The following ARMH1 variants were observed in gnomAD, a reference collection of about 807,000 sequenced individuals.
ARMH1 encodes armadillo like helical domain containing 1.
Under a neutral mutation model 50.2 loss-of-function variants are expected in ARMH1, and 34 were observed. The observed-to-expected ratio is 0.68, with a 90% confidence interval of 0.51 to 0.90. The LOEUF (loss-of-function observed/expected upper bound fraction) is 0.90, where lower values mean the gene tolerates loss of function less well. Ranked by LOEUF, ARMH1 falls within the 40% of genes least tolerant of loss-of-function variation. The pLI is 0.00. For missense variants in ARMH1, 538 were observed against 553.9 expected, an observed-to-expected ratio of 0.97 and a Z score of 0.29; for synonymous variants, 221 against 224.2, an observed-to-expected ratio of 0.99 and a Z score of 0.13.
intron 1 of ARMH1, among the ~76,000 whole-genome samples, chr1:44,687,840 G>C (rs1201530312): frequency 6.6e-6 from 1 of 152,180 alleles, no homozygotes; most frequent in African/African-American, 2.4e-5. Context: ...GGGAGACTGA[G>C]GTCCAAGGAA....
intron 6 of ARMH1, among the ~76,000 whole-genome samples, chr1:44,706,439 T>C (rs1043721177): frequency 1.3e-5 from 2 of 152,074 alleles, no homozygotes; most frequent in Admixed American, 6.6e-5. Context: ...TAGGGACTCC[T>C]GTGTCCAGGA....
At chr1:44,722,643 C>T (rs977005303) in intron 6 of ARMH1, among the ~76,000 whole-genome samples, 2 of 151,826 alleles carry the variant, frequency 1.3e-5, no homozygotes, top group Non-Finnish European at 2.9e-5. Context: ...TCCCAGGAGG[C>T]TGAGGCAGGA....
chr1:44,685,055 A>G (rs2148586386), intron 1 of ARMH1, among the ~76,000 whole-genome samples: 1 of 152,342 alleles, frequency 6.6e-6, no homozygotes, highest in East Asian at 1.9e-4. Flanking sequence ...CCACTGACTG[A>G]CATTTATGAA....
intron 6 of ARMH1, among the ~76,000 whole-genome samples, chr1:44,711,169 G>A (rs1646597573): frequency 6.6e-6 from 1 of 152,186 alleles, no homozygotes; most frequent in South Asian, 2.1e-4. Flanking sequence ...CCACATACAT[G>A]TAATTGAGTA....
rs569701926 is a variant in ARMH1 at position 44,699,233 on chromosome 1, G to A, written c.442+1004G>A. 7.5e-5 allele frequency among the ~76,000 whole-genome samples: 11 copies of A among 146,680 alleles called. No individual in the cohort carries two copies. In the South Asian group the frequency reaches 1.5e-3, roughly 20 times the overall value. On this transcript the variant is annotated intron_variant, in intron 4 of 11. Coordinates refer to ENST00000535358, the MANE Select transcript of ARMH1 (RefSeq NM_001145636.2). ...CGGGAGGTGGACATTGCAGTGAGCC[G>A]AGATCGCGCCACTGCACTCTAGCCT...
chr1:44,687,164 G>A (rs1645499618), intron 1 of ARMH1, among the ~76,000 whole-genome samples: 1 of 152,058 alleles, frequency 6.6e-6, no homozygotes, highest in Admixed American at 6.5e-5. Flanking sequence ...AGTGTCACAG[G>A]GTTGATTTCC....
At chr1:44,716,334 A>T (rs959171332) in intron 6 of ARMH1, among the ~76,000 whole-genome samples, 28 of 151,982 alleles carry the variant, frequency 1.8e-4, no homozygotes, top group African/African-American at 6.5e-4. Context: ...ATCTTTACTC[A>T]TTTACCCCTC....
At chr1:44,699,052 G>C (rs1389642714) in intron 4 of ARMH1, among the ~76,000 whole-genome samples, 6 of 151,990 alleles carry the variant, frequency 3.9e-5, no homozygotes, top group African/African-American at 1.4e-4. Context: ...GGAGGCAGAG[G>C]CAGTCGGATC....
rs905757215 is a variant in ARMH1 at position 44,682,973 on chromosome 1, A to G, written c.-22-6703A>G. On this transcript the variant is annotated intron_variant, in intron 1 of 11. Transcript: ENST00000535358. This position sits in a 1 kb window ranked among gnomAD's most constrained non-coding sequence, Gnocchi z 4.5. ...AAATAAAAATAAAAAATCTCACATC[A>G]CTGTGGAGTTTAGGCTGGGGCAAGC... is the stretch of plus-strand genomic sequence containing the variant. Among the ~76,000 whole-genome samples, 13 of 152,120 alleles carry G rather than the reference A, an allele frequency of 8.5e-5. No homozygotes were observed. Among genetic ancestry groups the G allele is most frequent in the African/African-American group, 2.2e-4 (9 of 41,402 alleles).
At chr1:44,721,194 G>C (rs901649958) in intron 6 of ARMH1, among the ~76,000 whole-genome samples, 11 of 152,102 alleles carry the variant, frequency 7.2e-5, no homozygotes, top group African/African-American at 2.7e-4. Flanking sequence ...CCGGCCCTCA[G>C]GTGGTCTTGT....
intron 6 of ARMH1, among the ~76,000 whole-genome samples, chr1:44,719,137 A>G (rs577335029): frequency 3.9e-5 from 6 of 152,226 alleles, no homozygotes; most frequent in African/African-American, 1.4e-4. Flanking sequence ...CAAAGGGTGA[A>G]TAAGTACTGG....
chr1:44,723,024 G>A (rs1471237323), intron 6 of ARMH1, among the ~76,000 whole-genome samples: 4 of 150,672 alleles, frequency 2.7e-5, no homozygotes, highest in East Asian at 1.9e-4. Context: ...GCAGTGAGCC[G>A]AGATCGCGCC....
intron 6 of ARMH1, among the ~76,000 whole-genome samples, chr1:44,713,446 T>C (rs892830713): frequency 2.0e-5 from 3 of 152,120 alleles, no homozygotes; most frequent in Admixed American, 1.3e-4. Flanking sequence ...TAGCCTTTCC[T>C]GCTGTATAAG....
chr1:44,711,992 C>T (rs1646632220), intron 6 of ARMH1, among the ~76,000 whole-genome samples: 1 of 152,230 alleles, frequency 6.6e-6, no homozygotes, highest in South Asian at 2.1e-4. Context: ...AGATCAAACC[C>T]AGTCAGTCTG....
intron 6 of ARMH1, chr1:44,721,668 G>A (rs967048369): frequency 2.0e-5 from 3 of 152,102 alleles, no homozygotes; most frequent in African/African-American, 4.8e-5. Context: ...GATGGAGGTT[G>A]TAGTGAGCCG....
At chr1:44,722,430 G>A (rs904253761) in intron 6 of ARMH1, among the ~76,000 whole-genome samples, 2 of 152,050 alleles carry the variant, frequency 1.3e-5, no homozygotes, top group African/African-American at 4.8e-5. Context: ...GTCCAGGCGT[G>A]GTGGCTCATG....
In ARMH1 at chr1:44,725,196, A is replaced by AAAGGTG; in HGVS notation, c.1190_1191insAGGTGA (p.Asn397delinsLysGlyAsp). 1 of 1,552,020 alleles carries AAAGGTG rather than the reference A, an allele frequency of 6.4e-7. No homozygotes were observed. The highest frequency in any genetic ancestry group is 8.7e-7 in the Non-Finnish European group (1 of 1,147,044). On this transcript the variant is annotated protein_altering_variant, in exon 11 of 12. Transcript: ENST00000535358. Reference sequence around the variant, plus strand: ...CATTCAGGCGGACATCTTGGCGGCCAACACAGTCAATGTTACCAAAGGTGA... The same window carrying AAAGGTG: ...CATTCAGGCGGACATCTTGGCGGCCAAAGGTGACACAGTCAATGTTACCAAAGGTGA...
At chr1:44,700,812 T>C in intron 4 of ARMH1, 111 bp from the exon 5 acceptor site, 1 of 971,696 alleles carries the variant, frequency 1.0e-6, no homozygotes. Context: ...TTTGCTTTGG[T>C]TGAACAGGCT....
intron 6 of ARMH1, 142 bp from the exon 7 acceptor site, chr1:44,723,980 C>T (rs1182806013): frequency 3.6e-6 from 4 of 1,118,878 alleles, no homozygotes; most frequent in East Asian, 2.8e-5. Context: ...GGTTCGCCTT[C>T]CCAGCTCCCC....
Sources: allele counts gnomAD v4.1 joint callset (sites outside exome capture counted in the v4.1 genomes callset), GRCh38; gene constraint gnomAD v4.1.1; non-coding constraint Gnocchi (gnomAD v3.1); transcripts MANE v1.5; gene names NCBI Gene and HGNC (gene_info 2026-07-23, HGNC 2026-07-21).